Variants in CD86 observed in about 807,000 individuals in gnomAD.
The protein encoded by CD86 is CD86 molecule, also known as T-lymphocyte activation antigen CD86.
Under a neutral mutation model 32.1 loss-of-function variants are expected in CD86, and 11 were observed. The observed-to-expected ratio is 0.34, with a 90% CI of 0.22 to 0.57. The LOEUF is 0.57. CD86 is among the 20% of genes least tolerant of loss of function. CD86 has a pLI of 0.86. For synonymous variants in CD86, 137 were observed against 135.3 expected (o/e 1.01, Z -0.09); for missense variants, 359 against 398.4 (o/e 0.90, Z 0.84).
intron 1 of CD86, among the ~76,000 whole-genome samples, chr3:122,071,572 C>T (rs76589254): frequency 1.4e-4 from 21 of 152,182 alleles, no homozygotes; most frequent in African/African-American, 4.6e-4. Flanking sequence ...TACATATTCA[C>T]GTGTAGGTTT....
intron 1 of CD86, chr3:122,077,751 C>T: frequency 1.0e-6 from 1 of 985,304 alleles, no homozygotes; most frequent in Non-Finnish European, 1.2e-6. Flanking sequence ...CGTTTGTAGT[C>T]ATTCTCATCA....
At chr3:122,101,919 C>T (rs757206131) in intron 2 of CD86, among the ~76,000 whole-genome samples, 3 of 152,084 alleles carry the variant, frequency 2.0e-5, no homozygotes, top group Non-Finnish European at 2.9e-5. Context: ...TACCGGTACG[C>T]ATCCTCTACA....
chr3:122,087,234 T>G (rs2072737891), intron 1 of CD86, among the ~76,000 whole-genome samples: 1 of 152,200 alleles, frequency 6.6e-6, no homozygotes, highest in Non-Finnish European at 1.5e-5. Context: ...TTCACCCACC[T>G]TATTCATAGA....
At chr3:122,075,774 A>G (rs927861059) in intron 1 of CD86, among the ~76,000 whole-genome samples, 1 of 152,178 alleles carries the variant, frequency 6.6e-6, no homozygotes, top group Admixed American at 6.5e-5. Context: ...ATATCATTCT[A>G]CGTTACAGCA....
At chr3:122,077,701 T>A in intron 1 of CD86, 1 of 926,026 alleles carries the variant, frequency 1.1e-6, no homozygotes, top group Non-Finnish European at 1.3e-6. Flanking sequence ...GGGCTCCCTT[T>A]GGGGGTTTCC....
At chr3:122,064,317 G>T (rs2072382728) in intron 1 of CD86, among the ~76,000 whole-genome samples, 1 of 152,082 alleles carries the variant, frequency 6.6e-6, no homozygotes, top group Non-Finnish European at 1.5e-5. Flanking sequence ...CTTGATTGAT[G>T]GGATTATGGA....
At position 122,078,277 on chromosome 3, in the gene CD86, C is replaced by T. The variant is rs561404781; in HGVS notation, c.15-13324C>T. ...CTGCCAGATCCCTTCATCTGTTTTT[C>T]GTGAGCTAAGAGACAAAATAGGCAG... On this transcript the variant is annotated intron_variant, in intron 1 of 6. Coordinates refer to ENST00000330540, the MANE Select transcript of CD86 (RefSeq NM_175862.5). Among the ~76,000 whole-genome samples the T allele has an allele frequency of 3.9e-5, 6 of 152,292 alleles. No homozygotes were observed. The East Asian group carries it at 7.7e-4, about 20-fold the overall frequency.
Position 122,055,516 on chromosome 3 carries a change from T to C in CD86, c.14+13T>C, listed in dbSNP as rs369658926. 11 of 1,613,656 alleles carry C rather than the reference T, an allele frequency of 6.8e-6. No homozygotes were observed. The highest frequency in any genetic ancestry group is 1.6e-4 in the Middle Eastern group (1 of 6,062). On this transcript the variant is annotated intron_variant, in intron 1 of 6. Transcript: ENST00000330540. ...TGGATCCCCAGTGGTGAGTAATAAT[T>C]CTTATTCTTTGCAGAGAAGTTATGA...
intron 1 of CD86, among the ~76,000 whole-genome samples, chr3:122,061,042 C>A (rs959319279): frequency 1.3e-5 from 2 of 152,080 alleles, no homozygotes; most frequent in Admixed American, 1.3e-4. Flanking sequence ...AGCCAAACAA[C>A]CCTAATGTCA....
chr3:122,065,045 C>T (rs1241771291), intron 1 of CD86, among the ~76,000 whole-genome samples: 3 of 152,092 alleles, frequency 2.0e-5, no homozygotes, highest in African/African-American at 7.2e-5. Context: ...CTCATTTAAT[C>T]ATCATAACTG....
In CD86 at chr3:122,107,935, T is replaced by C. The variant is rs2073117077; in HGVS notation, c.704-1330T>C. 2.6e-5 allele frequency among the ~76,000 whole-genome samples: 4 copies of C among 152,240 alleles called. No individual in the cohort carries two copies. The South Asian group carries it at 8.3e-4, about 32-fold the overall frequency. Reference sequence around the variant, plus strand: ...CGTCCTGTCCCAGTTGCTTCTCCTGTATCCTCTCTTGGCCAGATAGAAGCC... The same window carrying C: ...CGTCCTGTCCCAGTTGCTTCTCCTGCATCCTCTCTTGGCCAGATAGAAGCC... On this transcript the variant is annotated intron_variant, in intron 4 of 6. Coordinates refer to ENST00000330540, the MANE Select transcript of CD86 (RefSeq NM_175862.5).
At chr3:122,078,773 A>C (rs1461147891) in intron 1 of CD86, among the ~76,000 whole-genome samples, 2 of 152,222 alleles carry the variant, frequency 1.3e-5, no homozygotes, top group Non-Finnish European at 2.9e-5. Context: ...GCCAGGTGAA[A>C]ATAGTTTTTG....
chr3:122,115,479 A>C (rs2073235615), intron 5 of CD86, among the ~76,000 whole-genome samples: 1 of 152,162 alleles, frequency 6.6e-6, no homozygotes, highest in African/African-American at 2.4e-5. Context: ...AATCCTGGTA[A>C]GCTCTCTAAT....
intron 5 of CD86, 77 bp from the exon 6 acceptor site, chr3:122,117,971 T>G: frequency 1.6e-6 from 2 of 1,229,926 alleles, no homozygotes; most frequent in South Asian, 2.5e-5. Flanking sequence ...CCCAGAACTT[T>G]GAAGCCTTTT....
chr3:122,080,107 C>T (rs567213813), intron 1 of CD86, among the ~76,000 whole-genome samples: 1 of 152,156 alleles, frequency 6.6e-6, no homozygotes, highest in Admixed American at 6.5e-5. Flanking sequence ...TTGGCTTCCT[C>T]TCTTTGACCA....
chr3:122,095,170 GAT>G (rs1559907622), intron 2 of CD86, among the ~76,000 whole-genome samples: 1 of 106,264 alleles, frequency 9.4e-6, no homozygotes, highest in East Asian at 2.2e-4. Flanking sequence ...TTCACTTTAA[GAT>G]TTTTTTTTTT....
At chr3:122,113,266 G>T (rs2073202077) in intron 5 of CD86, among the ~76,000 whole-genome samples, 2 of 152,192 alleles carry the variant, frequency 1.3e-5, no homozygotes, top group Admixed American at 1.3e-4. Flanking sequence ...TGGACATTTA[G>T]GTTGGTTCCT....
chr3:122,118,689 A>T (rs2073294981), intron 6 of CD86, among the ~76,000 whole-genome samples: 1 of 152,224 alleles, frequency 6.6e-6, no homozygotes, highest in South Asian at 2.1e-4. Context: ...TAATTATCTT[A>T]TTAAACTCTA....
intron 2 of CD86, among the ~76,000 whole-genome samples, chr3:122,102,050 A>G (rs370875574): frequency 6.6e-6 from 1 of 152,266 alleles, no homozygotes; most frequent in East Asian, 1.9e-4. Flanking sequence ...TAAGAGTTCA[A>G]GACCACCACC....
Sources: gnomAD v4.1 joint callset for allele counts (sites outside exome capture counted in the v4.1 genomes callset) on GRCh38, gnomAD v4.1.1 for gene constraint, MANE v1.5 for transcripts, NCBI Gene and HGNC (gene_info 2026-07-23, HGNC 2026-07-21) for gene names.